PTER: variants seen among roughly 807,000 people sequenced by gnomAD.
PTER encodes phosphotriesterase related.
In PTER, 38 loss-of-function variants were observed where a neutral mutation model predicts 29.6. The ratio of observed to expected loss-of-function variants is 1.28; its 90% CI spans 0.99 to 1.68. The LOEUF (loss-of-function observed/expected upper bound fraction) is 1.68. PTER is among the 40% of genes most tolerant of loss of function. The pLI is 0.00. For synonymous variants in PTER, 172 were observed against 154.5 expected (o/e 1.11, Z -0.84); for missense variants, 482 against 427.8 (o/e 1.13, Z -1.12).
In PTER at chr10:16,457,402, A is replaced by G. The variant is rs1283433247; in HGVS notation, c.-49+20355A>G. Among the ~76,000 whole-genome samples the G allele has an allele frequency of 4.0e-5, 6 of 151,874 alleles. No homozygotes were observed. In the South Asian group the frequency reaches 8.3e-4, roughly 21 times the overall value. ...TAATTTTTTGTATTTTTTAGTAGAGACGGGGTTTCACCGTGTTAGCCACGA... is the reference window on the plus strand; with the variant it reads ...TAATTTTTTGTATTTTTTAGTAGAGGCGGGGTTTCACCGTGTTAGCCACGA... On this transcript the variant is annotated intron_variant, in intron 1 of 4. Coordinates refer to ENST00000535784, the MANE Select transcript of PTER (RefSeq NM_001261836.2).
At position 16,498,341 on chromosome 10, in the gene PTER, G is replaced by T. The variant is rs190835074; in HGVS notation, c.699-6679G>T. On this transcript the variant is annotated intron_variant, in intron 3 of 4. Coordinates refer to ENST00000535784, the MANE Select transcript of PTER (RefSeq NM_001261836.2). ...AATCCCAGCACTTTGGGAGGCCAAG[G>T]CAGGCAGATCAGCTGGCGCATCAGC... Among the ~76,000 whole-genome samples, 10 of 152,342 alleles carry T rather than the reference G, an allele frequency of 6.6e-5. No homozygotes were observed. The East Asian group carries it at 1.9e-3, about 29-fold the overall frequency.
chr10:16,455,867 C>G (rs531108024), intron 1 of PTER, among the ~76,000 whole-genome samples: 1 of 152,214 alleles, frequency 6.6e-6, no homozygotes, highest in African/African-American at 2.4e-5. Flanking sequence ...TGCTCCACAG[C>G]TTGTTGGTAA....
intron 1 of PTER, among the ~76,000 whole-genome samples, chr10:16,460,842 A>C (rs1834585992): frequency 6.6e-6 from 1 of 151,932 alleles, no homozygotes; most frequent in Admixed American, 6.6e-5. Flanking sequence ...TCAGCCTCCC[A>C]ATTAGCGGGG....
At chr10:16,454,869 A>G (rs965856889) in intron 1 of PTER, among the ~76,000 whole-genome samples, 5 of 152,142 alleles carry the variant, frequency 3.3e-5, no homozygotes, top group African/African-American at 1.2e-4. Context: ...AAAGCTGATA[A>G]TCAAATGTAA....
At chr10:16,502,624 A>G (rs188418081) in intron 3 of PTER, among the ~76,000 whole-genome samples, 4 of 152,240 alleles carry the variant, frequency 2.6e-5, no homozygotes, top group Non-Finnish European at 4.4e-5. Context: ...ACTCCCAGGA[A>G]TCTCACAGGA....
In PTER at chr10:16,486,560, G is replaced by A. The variant is rs144049224; in HGVS notation, c.641G>A (p.Arg214Gln). Residue 214 changes from arginine (R) to glutamine (Q), a missense_variant, in exon 3 of 5, where the codon CGA becomes CAA. Arg to Gln is a conservative substitution (Grantham distance 43). Coordinates refer to ENST00000535784, the MANE Select transcript of PTER (RefSeq NM_001261836.2). ...RSSRAPFQII[R>Q]ILQEAGADIS... Reference sequence around the variant, plus strand: ...TCCAGGGCACCATTTCAGATTATCCGAATATTGCAAGAAGCAGGCGCAGAC... The same window carrying A: ...TCCAGGGCACCATTTCAGATTATCCAAATATTGCAAGAAGCAGGCGCAGAC... 287 of 1,613,968 alleles carry A rather than the reference G, an allele frequency of 1.8e-4. 2 individuals carry two copies. In the African/African-American group the frequency reaches 3.2e-3, roughly 18 times the overall value.
chr10:16,496,037 C>G (rs1436004778), intron 3 of PTER, among the ~76,000 whole-genome samples: 1 of 152,186 alleles, frequency 6.6e-6, no homozygotes, highest in Non-Finnish European at 1.5e-5. Context: ...ATCCTTCACT[C>G]TTGCTGCTGT....
downstream of PTER, among the ~76,000 whole-genome samples, chr10:16,515,311 G>A (rs910637755): frequency 6.6e-6 from 1 of 151,402 alleles, no homozygotes; most frequent in South Asian, 2.1e-4. Flanking sequence ...TGCTTCAGAA[G>A]CTTAGCTCAT....
At chr10:16,495,024 A>G (rs980382762) in intron 3 of PTER, among the ~76,000 whole-genome samples, 6 of 152,148 alleles carry the variant, frequency 3.9e-5, no homozygotes, top group African/African-American at 1.4e-4. Flanking sequence ...TATTAAGTCT[A>G]TAATTCTAGC....
intron 1 of PTER, among the ~76,000 whole-genome samples, chr10:16,449,428 C>CTTTTTTTTTTT (rs35475659): frequency 2.0e-5 from 2 of 101,864 alleles, no homozygotes; most frequent in Non-Finnish European, 1.8e-5. Flanking sequence ...CAATAATTTT[C>CTTTTTTTTTTT]TTTTTTTTTT....
chr10:16,495,939 T>C (rs957849177), intron 3 of PTER, among the ~76,000 whole-genome samples: 1 of 152,342 alleles, frequency 6.6e-6, no homozygotes, highest in South Asian at 2.1e-4. Context: ...TCTTGTTATT[T>C]AATGGTGCCA....
intron 1 of PTER, among the ~76,000 whole-genome samples, chr10:16,465,722 A>G (rs548183326): frequency 6.6e-6 from 1 of 152,288 alleles, no homozygotes; most frequent in South Asian, 2.1e-4. Flanking sequence ...TCACACTGCT[A>G]TAAAGATACT....
At chr10:16,479,384 C>G (rs1220656750) in intron 1 of PTER, among the ~76,000 whole-genome samples, 1 of 151,994 alleles carries the variant, frequency 6.6e-6, no homozygotes, top group Non-Finnish European at 1.5e-5. Flanking sequence ...AGGAGGGACT[C>G]CTGGTGTCAC....
intron 3 of PTER, among the ~76,000 whole-genome samples, chr10:16,501,480 G>T (rs1366145757): frequency 6.6e-6 from 1 of 151,824 alleles, no homozygotes; most frequent in African/African-American, 2.4e-5. Flanking sequence ...TAACTGTAAA[G>T]ATTTAATCCT....
At chr10:16,478,902 TC>T (rs1415155256) in intron 1 of PTER, among the ~76,000 whole-genome samples, 5 of 152,146 alleles carry the variant, frequency 3.3e-5, no homozygotes, top group African/African-American at 1.2e-4. Context: ...ACACCTCACA[TC>T]AAGGAATGCA....
At chr10:16,496,910 C>G (rs1021225752) in intron 3 of PTER, among the ~76,000 whole-genome samples, 18 of 151,646 alleles carry the variant, frequency 1.2e-4, no homozygotes, top group Non-Finnish European at 2.1e-4. Context: ...TCCCTTTTTG[C>G]CTCTCAGCAG....
chr10:16,458,023 C>CT (rs1370483093), intron 1 of PTER, among the ~76,000 whole-genome samples: 4 of 152,166 alleles, frequency 2.6e-5, no homozygotes, highest in Admixed American at 6.5e-5. Flanking sequence ...ACCATGTCTG[C>CT]TTTTTCTGTC....
downstream of PTER, among the ~76,000 whole-genome samples, chr10:16,518,094 G>T (rs1033411270): frequency 6.6e-6 from 1 of 152,154 alleles, no homozygotes; most frequent in Admixed American, 6.5e-5. Flanking sequence ...GAAAAATTAA[G>T]TCAGCTCAGA....
At chr10:16,508,129 C>T (rs77210768) in intron 4 of PTER, among the ~76,000 whole-genome samples, 4,035 of 140,054 alleles carry the variant, frequency 0.029, 84 homozygotes, top group East Asian at 0.076. Flanking sequence ...AGCGCAGTGG[C>T]GCAATCTCAC....
Sources: gnomAD v4.1 joint callset for allele counts (sites outside exome capture counted in the v4.1 genomes callset) on GRCh38, gnomAD v4.1.1 for gene constraint, MANE v1.5 for transcripts, NCBI Gene and HGNC (gene_info 2026-07-23, HGNC 2026-07-21) for gene names.